Variants in SEMA6D observed in about 807,000 individuals in gnomAD.
The protein encoded by SEMA6D is semaphorin 6D, also known as semaphorin-6D.
SEMA6D carries 35 observed loss-of-function variants against 106.6 expected under a neutral mutation model. That is an observed-to-expected ratio of 0.33 (90% CI 0.25 to 0.44). SEMA6D has a LOEUF of 0.44. SEMA6D is among the 20% of genes least tolerant of loss of function. The probability of loss-of-function intolerance (pLI) is 1.00; values close to 1 mark genes in which losing one functional copy is unlikely to be tolerated. For synonymous variants in SEMA6D, 499 were observed against 487.7 expected (o/e 1.02, Z -0.31); for missense variants, 1,185 against 1,345.9 (o/e 0.88, Z 1.87).
chr15:47,529,800 C>T (rs1299425982), intron 3 of SEMA6D, among the ~76,000 whole-genome samples: 1 of 152,112 alleles, frequency 6.6e-6, no homozygotes, highest in Non-Finnish European at 1.5e-5. Flanking sequence ...ATTTATTTTT[C>T]AAAACCTACA....
chr15:47,441,744 T>C (rs753137289), intron 2 of SEMA6D, among the ~76,000 whole-genome samples: 3 of 152,096 alleles, frequency 2.0e-5, no homozygotes, highest in Non-Finnish European at 2.9e-5. Flanking sequence ...TAATATTGTA[T>C]GAATATCTGT....
At chr15:47,407,380 A>C (rs2040614174) in intron 1 of SEMA6D, among the ~76,000 whole-genome samples, 1 of 148,218 alleles carries the variant, frequency 6.7e-6, no homozygotes, top group South Asian at 2.1e-4. Flanking sequence ...AAAAAAAAAA[A>C]AAAAAAACCA....
At chr15:47,397,994 T>G (rs1232247528) in intron 1 of SEMA6D, 1 of 152,216 alleles carries the variant, frequency 6.6e-6, no homozygotes, top group East Asian at 1.9e-4. Context: ...CTTAAACCGC[T>G]ATACAAATTG....
At chr15:47,211,272 G>A (rs12903078) in intron 1 of SEMA6D, among the ~76,000 whole-genome samples, 65,554 of 151,832 alleles carry the variant, frequency 0.43, 15,051 homozygotes, top group African/African-American at 0.57. Context: ...TCACATAACT[G>A]TATAGCTTGC....
intron 1 of SEMA6D, among the ~76,000 whole-genome samples, chr15:47,229,890 C>T (rs1295428833): frequency 2.0e-5 from 3 of 152,110 alleles, no homozygotes; most frequent in South Asian, 2.1e-4. Context: ...CTTTGGTTAG[C>T]GTTGCCAGAT....
At chr15:47,212,658 T>C (rs1363508828) in intron 1 of SEMA6D, among the ~76,000 whole-genome samples, 1 of 152,214 alleles carries the variant, frequency 6.6e-6, no homozygotes, top group Non-Finnish European at 1.5e-5. Context: ...ACATTTTCTG[T>C]TTGCTGTCCA....
intron 3 of SEMA6D, among the ~76,000 whole-genome samples, chr15:47,503,716 CAT>C (rs1491030242): frequency 1.3e-5 from 2 of 151,802 alleles, no homozygotes; most frequent in Non-Finnish European, 2.9e-5. Flanking sequence ...CACACACACA[CAT>C]TCACACAAAT....
In SEMA6D at chr15:47,770,663, T is replaced by C. The variant is rs1004737243; in HGVS notation, c.2100T>C (p.Asp700=). 3.1e-6 allele frequency: 5 copies of C among 1,614,116 alleles called. No individual in the cohort carries two copies. The highest frequency in any genetic ancestry group is 4.2e-6 in the Non-Finnish European group (5 of 1,179,980). The change falls in exon 19 of 19, where the codon GAT becomes GAC. Residue 700 remains aspartate, a synonymous_variant. Coordinates refer to ENST00000536845, the MANE Select transcript of SEMA6D (RefSeq NM_001358351.3). The part of the protein sequence containing the change: ...FVRKNRKIHK[D]AESAQSCTDS... ...GGAAAAACAGAAAGATCCATAAAGA[T>C]GCAGAGTCCGCCCAGTCATGCACAG...
chr15:47,471,708 C>A (rs1596082132), intron 3 of SEMA6D, among the ~76,000 whole-genome samples: 2 of 152,040 alleles, frequency 1.3e-5, no homozygotes, highest in South Asian at 4.2e-4. Flanking sequence ...GGGGCTGGGC[C>A]TAGTGGGAGG....
intron 4 of SEMA6D, among the ~76,000 whole-genome samples, chr15:47,634,190 CCACCAATAAAA>C (rs1467631075): frequency 6.6e-6 from 1 of 152,054 alleles, no homozygotes; most frequent in Non-Finnish European, 1.5e-5. Context: ...CTGTTGGGCA[CCACCAATAAAA>C]CACCAATAAA....
intron 4 of SEMA6D, chr15:47,605,316 C>T (rs2143647252): frequency 6.6e-6 from 1 of 152,280 alleles, no homozygotes; most frequent in African/African-American, 2.4e-5. Flanking sequence ...TGAGTGTCCT[C>T]AAGACATGGC....
chr15:47,698,035 T>A (rs2078735857), intron 4 of SEMA6D, among the ~76,000 whole-genome samples: 2 of 152,222 alleles, frequency 1.3e-5, no homozygotes, highest in African/African-American at 2.4e-5. Flanking sequence ...TCCATTCAAT[T>A]TTTTTATTCT....
chr15:47,648,660 C>T (rs2077627000), intron 4 of SEMA6D, among the ~76,000 whole-genome samples: 1 of 152,192 alleles, frequency 6.6e-6, no homozygotes, highest in Non-Finnish European at 1.5e-5. Context: ...ACCTCTACAG[C>T]AGCCGGCACT....
intron 2 of SEMA6D, among the ~76,000 whole-genome samples, chr15:47,440,950 A>G (rs777466146): frequency 2.6e-5 from 4 of 152,070 alleles, no homozygotes; most frequent in Admixed American, 6.6e-5. Flanking sequence ...AAACACTACA[A>G]TCAGGCTCAT....
intron 1 of SEMA6D, among the ~76,000 whole-genome samples, chr15:47,265,323 CTT>C (rs1199598394): frequency 1.3e-5 from 2 of 151,448 alleles, no homozygotes; most frequent in East Asian, 3.9e-4. Flanking sequence ...TATTATTTCT[CTT>C]GAGTCAGTTT....
At chr15:47,506,459 C>T (rs1030820739) in intron 3 of SEMA6D, among the ~76,000 whole-genome samples, 9 of 152,024 alleles carry the variant, frequency 5.9e-5, no homozygotes, top group Admixed American at 5.2e-4. Context: ...CAGAACTTGG[C>T]AGGATACCAA....
chr15:47,225,589 G>A (rs1227863194), intron 1 of SEMA6D, among the ~76,000 whole-genome samples: 8 of 143,172 alleles, frequency 5.6e-5, no homozygotes, highest in African/African-American at 1.1e-4. Context: ...GTGCAGTGGC[G>A]CGATCTTGGC....
intron 3 of SEMA6D, among the ~76,000 whole-genome samples, chr15:47,577,984 G>T (rs560968955): frequency 6.6e-6 from 1 of 152,204 alleles, no homozygotes; most frequent in Non-Finnish European, 1.5e-5. Flanking sequence ...AGCTTAATTT[G>T]TGGAGACCTT....
intron 1 of SEMA6D, among the ~76,000 whole-genome samples, chr15:47,193,733 CTT>C (rs966890746): frequency 6.6e-6 from 1 of 152,108 alleles, no homozygotes; most frequent in Non-Finnish European, 1.5e-5. Flanking sequence ...ATCTGGGACA[CTT>C]TTATTGACTC....
Sources: gnomAD v4.1 joint callset for allele counts (sites outside exome capture counted in the v4.1 genomes callset) on GRCh38, gnomAD v4.1.1 for gene constraint, MANE v1.5 for transcripts, NCBI Gene and HGNC (gene_info 2026-07-23, HGNC 2026-07-21) for gene names.